C8B: variants seen among roughly 807,000 people sequenced by gnomAD.
The protein encoded by C8B is complement C8 beta chain.
C8B carries 67 observed loss-of-function variants against 64.6 expected under a neutral mutation model. That is an observed-to-expected ratio of 1.04 (90% confidence interval 0.85 to 1.27). C8B has a LOEUF of 1.27. Among genes scored for constraint, C8B ranks in the 50% most tolerant of loss-of-function variants. The pLI, the probability that C8B is intolerant of heterozygous loss-of-function variation, is 0.00. For missense variants in C8B, 790 were observed against 725.2 expected, an observed-to-expected ratio of 1.09 and a Z score of -1.03; for synonymous variants, 284 against 257.7, an observed-to-expected ratio of 1.10 and a Z score of -0.98.
intron 4 of C8B, among the ~76,000 whole-genome samples, chr1:56,953,450 T>A (rs930245953): frequency 5.3e-5 from 8 of 152,196 alleles, no homozygotes; most frequent in African/African-American, 1.9e-4. Context: ...CATTAGGAGG[T>A]TAGTATTACT....
At chr1:56,955,131 GCC>G (rs1645083900) in intron 3 of C8B, among the ~76,000 whole-genome samples, 1 of 152,094 alleles carries the variant, frequency 6.6e-6, no homozygotes, top group African/African-American at 2.4e-5. Flanking sequence ...TGTGAGCTGG[GCC>G]ACTTTTCTCT....
chr1:56,948,036 A>G (rs1332778251), intron 6 of C8B, among the ~76,000 whole-genome samples: 1 of 152,334 alleles, frequency 6.6e-6, no homozygotes, highest in East Asian at 1.9e-4. Context: ...CACGAAGGCC[A>G]GAATATTATC....
In C8B at chr1:56,952,106, T is replaced by C; in HGVS notation, c.608A>G (p.His203Arg). The change falls in exon 5 of 12, where the codon CAT becomes CGT. Residue 203 changes from histidine (H) to arginine (R), a missense_variant. Transcript: ENST00000371237. The stretch of plus-strand genomic sequence containing the variant: ...CCTAAACCTCGTGTTCAGGATGTAA[T>C]GCGGGGAGCATCCACCTGCATAATA... ...HRYYAGGCSP[H>R]YILNTRFRKP... The C allele has an allele frequency of 6.2e-7, 1 of 1,614,162 alleles. No individual in the cohort carries two copies.
Position 56,946,055 on chromosome 1 carries a change from C to G in C8B, c.871G>C (p.Val291Leu), listed in dbSNP as rs548087620. The G allele has an allele frequency of 6.2e-7, 1 of 1,614,098 alleles. No individual in the cohort carries two copies. Among genetic ancestry groups the G allele is most frequent in the African/African-American group, 1.3e-5 (1 of 75,044 alleles). Residue 291 changes from valine (V) to leucine (L), a missense_variant, in exon 7 of 12, where the codon GTA (valine) becomes CTA (leucine). Transcript: ENST00000371237. ...AGGTCAGAGCGTGCATGCAGAAATA[C>G]GCTTTTCTAAATGAAATACCAACAT... is the stretch of plus-strand genomic sequence containing the variant. ...RTKRFSHTKS[V>L]FLHARSDLEV...
Position 56,956,755 on chromosome 1 carries a change from A to G in C8B, c.391+14T>C, listed in dbSNP as rs371013393. On this transcript the variant is annotated intron_variant, in intron 3 of 11. Coordinates refer to ENST00000371237, the MANE Select transcript of C8B (RefSeq NM_000066.4). The stretch of plus-strand genomic sequence containing the variant: ...TTTCAGGCTTTCCCCTCTTACTCCT[A>G]CATTGATTTATACCTGTCTGTGCAC... 1 of 1,613,680 alleles carries G rather than the reference A, an allele frequency of 6.2e-7. No homozygotes were observed. Among genetic ancestry groups the G allele is most frequent in the Non-Finnish European group, 8.5e-7 (1 of 1,179,880 alleles).
At chr1:56,959,661 A>G (rs1467068954) in intron 2 of C8B, 1 of 1,526,962 alleles carries the variant, frequency 6.5e-7, no homozygotes, top group African/African-American at 1.4e-5. Flanking sequence ...CTTGATCCTA[A>G]GGGTCATGGG....
intron 8 of C8B, 78 bp downstream of exon 8, chr1:56,943,618 A>C: frequency 1.9e-6 from 3 of 1,540,470 alleles, no homozygotes; most frequent in South Asian, 2.2e-5. Flanking sequence ...TCAAAAAGGG[A>C]GGGAGGTGTT....
chr1:56,952,223 G>T (rs777143510), intron 4 of C8B, 43 bp from the exon 5 acceptor site: 1 of 1,612,108 alleles, frequency 6.2e-7, no homozygotes, highest in Admixed American at 1.7e-5. Context: ...TAAAGTTTGC[G>T]GTTGCTTAAT....
In C8B at chr1:56,933,417, C is replaced by A; in HGVS notation, c.1470G>T (p.Lys490Asn). Residue 490 changes from lysine (K) to asparagine (N), a missense_variant, in exon 10 of 12, where the codon AAG (lysine) becomes AAT (asparagine). By Grantham distance (94) the Lys-to-Asn change is moderately conservative. Coordinates refer to ENST00000371237, the MANE Select transcript of C8B (RefSeq NM_000066.4). Reference protein sequence around the residue: ...AYSSTVRQNMKQALEEFQKEV... With the variant: ...AYSSTVRQNMNQALEEFQKEV... ...CCTTCTGGAACTCCTCCAGTGCCTG[C>A]TTCATGTTCTGCCTCACTGTGCTGG... is the stretch of plus-strand genomic sequence containing the variant. 1 of 1,613,510 alleles carries A rather than the reference C, an allele frequency of 6.2e-7. No homozygotes were observed. Among genetic ancestry groups the A allele is most frequent in the African/African-American group, 1.3e-5 (1 of 75,056 alleles).
intron 10 of C8B, 113 bp from the exon 11 acceptor site, chr1:56,931,991 A>C: frequency 1.3e-6 from 1 of 766,576 alleles, no homozygotes. Flanking sequence ...GCACATATTT[A>C]GTTAAATGGC....
intron 6 of C8B, among the ~76,000 whole-genome samples, chr1:56,946,770 A>G (rs767329173): frequency 6.6e-6 from 1 of 152,258 alleles, no homozygotes; most frequent in African/African-American, 2.4e-5. Context: ...AGAAAGTGTT[A>G]GTACAACCCT....
intron 8 of C8B, among the ~76,000 whole-genome samples, chr1:56,941,722 C>G (rs1252816658): frequency 6.6e-6 from 1 of 152,208 alleles, no homozygotes; most frequent in Non-Finnish European, 1.5e-5. Flanking sequence ...CCAAGGCCCA[C>G]ACAGCTAGTA....
intron 7 of C8B, among the ~76,000 whole-genome samples, chr1:56,945,444 T>C (rs1644927159): frequency 6.6e-6 from 1 of 152,220 alleles, no homozygotes; most frequent in Non-Finnish European, 1.5e-5. Flanking sequence ...AAAAGTTCTC[T>C]TTGGGCACAT....
At chr1:56,943,409 C>T (rs112364584) in intron 8 of C8B, among the ~76,000 whole-genome samples, 271 of 152,098 alleles carry the variant, frequency 1.8e-3, no homozygotes, top group African/African-American at 5.6e-3. Context: ...TAGTATGCAG[C>T]GATAGAAGTG....
At chr1:56,931,732 C>T in intron 11 of C8B, 78 bp downstream of exon 11, 3 of 982,094 alleles carry the variant, frequency 3.1e-6, no homozygotes, top group East Asian at 5.0e-5. Flanking sequence ...CAGCCCCACA[C>T]TCCACACCAG....
intron 2 of C8B, among the ~76,000 whole-genome samples, 154 bp from the exon 3 acceptor site, chr1:56,957,064 C>A (rs1015225501): frequency 6.6e-6 from 1 of 152,148 alleles, no homozygotes; most frequent in African/African-American, 2.4e-5. Context: ...TGTGCTCCCC[C>A]CATTATATAT....
At chr1:56,964,609 C>G (rs183688016) in intron 1 of C8B, among the ~76,000 whole-genome samples, 7 of 152,228 alleles carry the variant, frequency 4.6e-5, no homozygotes, top group Non-Finnish European at 5.9e-5. Context: ...GTTCTAGAAG[C>G]CTTTCCAGGC....
intron 1 of C8B, among the ~76,000 whole-genome samples, chr1:56,964,857 C>T (rs1645229709): frequency 6.6e-6 from 1 of 152,172 alleles, no homozygotes; most frequent in Non-Finnish European, 1.5e-5. Flanking sequence ...GTCCTGAATG[C>T]TTCTCTGTGT....
Position 56,933,507 on chromosome 1 carries a change from A to T in C8B, c.1399-19T>A. On this transcript the variant is annotated intron_variant, in intron 9 of 11. Coordinates refer to ENST00000371237, the MANE Select transcript of C8B (RefSeq NM_000066.4). ...GCTCCACCTGGAAAGGGAAAAGGGC[A>T]TTTATTTCAAGAGAAAAACATTTAT... The T allele has an allele frequency of 6.2e-7, 1 of 1,608,872 alleles. No homozygotes were observed.
Sources: gnomAD v4.1 joint callset for allele counts (sites outside exome capture counted in the v4.1 genomes callset) on GRCh38, gnomAD v4.1.1 for gene constraint, MANE v1.5 for transcripts, NCBI Gene and HGNC (gene_info 2026-07-23, HGNC 2026-07-21) for gene names.